FRMD4B: variants seen among roughly 807,000 people sequenced by gnomAD.
The protein encoded by FRMD4B is FERM domain-containing protein 4B.
In FRMD4B, 74 loss-of-function variants were observed where a neutral mutation model predicts 141.5. The observed-to-expected ratio is 0.52, with a 90% CI of 0.43 to 0.63. The LOEUF is 0.63. Among genes scored for constraint, FRMD4B ranks in the 30% least tolerant of loss-of-function variants. FRMD4B has a pLI of 0.00. For missense variants in FRMD4B, 1,366 were observed against 1,253.4 expected, an observed-to-expected ratio of 1.09 and a Z score of -1.36; for synonymous variants, 506 against 467.9, an observed-to-expected ratio of 1.08 and a Z score of -1.05.
intron 1 of FRMD4B, among the ~76,000 whole-genome samples, chr3:69,322,735 C>T (rs1161788741): frequency 6.6e-6 from 1 of 151,776 alleles, no homozygotes; most frequent in Non-Finnish European, 1.5e-5. Flanking sequence ...TAGCTGGGAC[C>T]ACAGGCATGT....
intron 1 of FRMD4B, among the ~76,000 whole-genome samples, chr3:69,522,659 A>C (rs546437657): frequency 6.6e-6 from 1 of 152,178 alleles, no homozygotes; most frequent in Non-Finnish European, 1.5e-5. Context: ...TGTCCAAGCT[A>C]AAGCACCACT....
At chr3:69,331,103 C>T (rs372410760) in intron 1 of FRMD4B, among the ~76,000 whole-genome samples, 1 of 152,200 alleles carries the variant, frequency 6.6e-6, no homozygotes, top group Non-Finnish European at 1.5e-5. Context: ...TATTTTCCCC[C>T]GTGTCCCTAT....
Position 69,193,885 on chromosome 3 carries a change from C to G in FRMD4B, c.1489-12G>C. On this transcript the variant is annotated splice_polypyrimidine_tract_variant and intron_variant, in intron 16 of 22. Coordinates refer to ENST00000398540, the MANE Select transcript of FRMD4B (RefSeq NM_015123.3). ...TGCAAAGCAGGATCCTGCATTTATA[C>G]AATGATAGTTTTATTTTTATGGACA... 1 of 1,514,606 alleles carries G rather than the reference C, an allele frequency of 6.6e-7. No homozygotes were observed. Among genetic ancestry groups the G allele is most frequent in the South Asian group, 1.2e-5 (1 of 86,138 alleles). 93.8% of individuals were successfully genotyped at this position (1,514,606 alleles called of 1,614,324 possible).
intron 9 of FRMD4B, among the ~76,000 whole-genome samples, chr3:69,220,197 G>T (rs2093180353): frequency 6.6e-6 from 1 of 152,178 alleles, no homozygotes; most frequent in African/African-American, 2.4e-5. Context: ...CTACTACACA[G>T]TTAGGCTGTA....
intron 7 of FRMD4B, among the ~76,000 whole-genome samples, chr3:69,225,520 A>AC (rs2093243348): frequency 1.9e-4 from 1 of 5,288 alleles, no homozygotes; most frequent in African/African-American, 2.8e-4. Flanking sequence ...CTAAAAATAC[A>AC]AAAAAAAAAA....
intron 1 of FRMD4B, among the ~76,000 whole-genome samples, chr3:69,345,152 T>C (rs1023458625): frequency 1.3e-5 from 2 of 152,210 alleles, no homozygotes; most frequent in Non-Finnish European, 2.9e-5. Context: ...ACTGCACTTT[T>C]CCAATGGTCT....
intron 7 of FRMD4B, among the ~76,000 whole-genome samples, chr3:69,227,885 G>C (rs2093269597): frequency 6.6e-6 from 1 of 151,716 alleles, no homozygotes; most frequent in African/African-American, 2.4e-5. Flanking sequence ...ACTAATGCAA[G>C]ATGTTAATAA....
At chr3:69,338,272 G>A (rs1351352598) in intron 1 of FRMD4B, among the ~76,000 whole-genome samples, 2 of 152,146 alleles carry the variant, frequency 1.3e-5, no homozygotes, top group East Asian at 3.9e-4. Flanking sequence ...ACTCATGGAT[G>A]CAGAACGGGG....
chr3:69,487,897 T>G (rs888813308), intron 1 of FRMD4B, among the ~76,000 whole-genome samples: 2 of 152,212 alleles, frequency 1.3e-5, no homozygotes, highest in African/African-American at 4.8e-5. Context: ...ATCACTACCC[T>G]TGAATTTGTG....
At chr3:69,408,770 C>T (rs1293393560) in intron 2 of FRMD4B, among the ~76,000 whole-genome samples, 2 of 151,934 alleles carry the variant, frequency 1.3e-5, no homozygotes, top group South Asian at 2.1e-4. Flanking sequence ...CACCTTAGAG[C>T]AGGGATGGCG....
At chr3:69,408,345 C>G (rs1407197126) in intron 2 of FRMD4B, among the ~76,000 whole-genome samples, 2 of 152,170 alleles carry the variant, frequency 1.3e-5, no homozygotes, top group Admixed American at 1.3e-4. Context: ...CACATGCAAC[C>G]AAGAGGCTGC....
At chr3:69,257,353 C>G (rs1166680073) in intron 5 of FRMD4B, among the ~76,000 whole-genome samples, 1 of 152,110 alleles carries the variant, frequency 6.6e-6, no homozygotes, top group East Asian at 1.9e-4. Context: ...AATATGATAT[C>G]CCATTGGGAG....
intron 1 of FRMD4B, among the ~76,000 whole-genome samples, chr3:69,467,390 A>T (rs1705810384): frequency 6.6e-6 from 1 of 152,160 alleles, no homozygotes. Context: ...ACTACATCAC[A>T]CAGTCTTCTA....
rs147851519 is a variant in FRMD4B, at chr3:69,248,244, T to TACACACAC, written c.581+974_581+981dup. 9.0e-3 allele frequency among the ~76,000 whole-genome samples: 1,352 copies of TACACACAC among 150,776 alleles called. 20 individuals carry two copies. Among genetic ancestry groups the TACACACAC allele is most frequent in the African/African-American group, 0.03 (1,246 of 40,998 alleles). ...ATTTCTTAACCTAGAAAAATGTAAA[T>TACACACAC]ACACACACACACACACAAATATATA... is the stretch of plus-strand genomic sequence containing the variant. On this transcript the variant is annotated intron_variant, in intron 7 of 22. Coordinates refer to ENST00000398540, the MANE Select transcript of FRMD4B (RefSeq NM_015123.3).
chr3:69,176,681 A>C (rs2092649814), intron 21 of FRMD4B, 25 bp from the exon 22 acceptor site: 2 of 1,536,792 alleles, frequency 1.3e-6, no homozygotes. Context: ...GGAAAAAGAT[A>C]AAATTAATGG....
intron 11 of FRMD4B, among the ~76,000 whole-genome samples, chr3:69,203,554 G>A (rs954529793): frequency 6.6e-6 from 1 of 152,106 alleles, no homozygotes; most frequent in African/African-American, 2.4e-5. Flanking sequence ...GGGCTCACAA[G>A]AGCCAAGTGA....
intron 1 of FRMD4B, among the ~76,000 whole-genome samples, chr3:69,491,095 G>A (rs113617778): frequency 0.019 from 2,821 of 152,282 alleles, 39 homozygotes; most frequent in Non-Finnish European, 0.028. Context: ...AGATCAATAG[G>A]AGGAAAGAGA....
intron 1 of FRMD4B, among the ~76,000 whole-genome samples, chr3:69,534,138 C>T (rs964510859): frequency 3.3e-5 from 5 of 152,214 alleles, no homozygotes; most frequent in Non-Finnish European, 7.3e-5. Context: ...AAATATCCCT[C>T]TAGTCCAGTA....
intron 21 of FRMD4B, among the ~76,000 whole-genome samples, chr3:69,180,227 C>A (rs2092690059): frequency 7.3e-6 from 1 of 136,494 alleles, no homozygotes; most frequent in African/African-American, 2.9e-5. Flanking sequence ...AAGACCCAAC[C>A]TAAGCCTCCT....
Sources: gnomAD v4.1 joint callset for allele counts (sites outside exome capture counted in the v4.1 genomes callset) on GRCh38, gnomAD v4.1.1 for gene constraint, MANE v1.5 for transcripts, NCBI Gene and HGNC (gene_info 2026-07-23, HGNC 2026-07-21) for gene names.